TAF4B: variants seen among roughly 807,000 people sequenced by gnomAD.
TAF4B encodes TATA-box binding protein associated factor 4b, also known as transcription initiation factor TFIID subunit 4B.
TAF4B carries 38 observed loss-of-function variants against 86.4 expected under a neutral mutation model. The ratio of observed to expected loss-of-function variants is 0.44; its 90% CI spans 0.34 to 0.58. The LOEUF (loss-of-function observed/expected upper bound fraction) is 0.58. Among genes scored for constraint, TAF4B ranks in the 20% least tolerant of loss-of-function variants. The pLI is 0.02. For missense variants in TAF4B, 988 were observed against 1,027.6 expected, an observed-to-expected ratio of 0.96 and a Z score of 0.53; for synonymous variants, 388 against 391.2, an observed-to-expected ratio of 0.99 and a Z score of 0.10.
intron 14 of TAF4B, among the ~76,000 whole-genome samples, chr18:26,359,966 C>G (rs1431317113): frequency 3.9e-5 from 6 of 151,972 alleles, no homozygotes; most frequent in Non-Finnish European, 7.4e-5. Flanking sequence ...AGTTCACCTG[C>G]CTTGGCCTCC....
chr18:26,369,379 A>G (rs998084583), intron 14 of TAF4B, among the ~76,000 whole-genome samples: 14 of 152,234 alleles, frequency 9.2e-5, no homozygotes, highest in African/African-American at 3.4e-4. Context: ...TTAGAAGTTA[A>G]GACTCAGGAC....
intron 1 of TAF4B, chr18:26,256,234 A>G: frequency 6.3e-7 from 1 of 1,585,230 alleles, no homozygotes. Flanking sequence ...TGCAATCCAG[A>G]ACAGCTGTGG....
At chr18:26,353,490 G>T (rs892437126) in intron 13 of TAF4B, among the ~76,000 whole-genome samples, 9 of 152,174 alleles carry the variant, frequency 5.9e-5, no homozygotes, top group Non-Finnish European at 1.3e-4. Context: ...CGGCACTTTG[G>T]GAGGCCAAGG....
At chr18:26,253,230 T>G (rs529307842) in intron 1 of TAF4B, among the ~76,000 whole-genome samples, 21 of 152,310 alleles carry the variant, frequency 1.4e-4, no homozygotes, top group African/African-American at 4.8e-4. Flanking sequence ...GTAAATCCAT[T>G]TATCAGGTTG....
chr18:26,233,384 A>G (rs1364520525), intron 1 of TAF4B, among the ~76,000 whole-genome samples: 1 of 152,180 alleles, frequency 6.6e-6, no homozygotes, highest in Non-Finnish European at 1.5e-5. Context: ...GTGAATGGTC[A>G]TGCAGGGAGT....
chr18:26,357,539 A>T lies in TAF4B; in HGVS notation c.2317-151A>T, dbSNP rs180978162. ...AGTTTGTTGGTGTAAAAGAATCAGAAAATGTGCCCTTGGCTGTTATGGGAA... is the reference window on the plus strand; with the variant it reads ...AGTTTGTTGGTGTAAAAGAATCAGATAATGTGCCCTTGGCTGTTATGGGAA... On this transcript the variant is annotated intron_variant, in intron 13 of 14. Transcript: ENST00000269142. The T allele has an allele frequency of 9.2e-5, 46 of 497,756 alleles. No individual in the cohort carries two copies. In the Middle Eastern group the frequency reaches 3.1e-3, roughly 34 times the overall value. 30.8% of individuals were successfully genotyped at this position (497,756 alleles called of 1,614,324 possible).
intron 14 of TAF4B, among the ~76,000 whole-genome samples, chr18:26,358,481 C>G (rs555399630): frequency 2.0e-5 from 3 of 152,234 alleles, no homozygotes; most frequent in Admixed American, 6.5e-5. Context: ...GAGGCCAAGG[C>G]GGGCGGATCA....
chr18:26,237,512 T>G (rs1043405326), intron 1 of TAF4B, among the ~76,000 whole-genome samples: 4 of 151,976 alleles, frequency 2.6e-5, no homozygotes, highest in Non-Finnish European at 4.4e-5. Flanking sequence ...CCCTTGGAGA[T>G]TTCTTGCTTG....
At chr18:26,355,020 C>A (rs1190660644) in intron 13 of TAF4B, among the ~76,000 whole-genome samples, 1 of 152,178 alleles carries the variant, frequency 6.6e-6, no homozygotes. Context: ...CAAGCCTGGA[C>A]ACAGCATGTC....
intron 14 of TAF4B, among the ~76,000 whole-genome samples, chr18:26,366,805 T>A (rs1397160084): frequency 6.6e-6 from 1 of 152,238 alleles, no homozygotes. Context: ...CAGTTTCAGA[T>A]AGTTCAACCT....
chr18:26,320,984 CA>C, intron 10 of TAF4B, 85 bp from the exon 11 acceptor site: 3 of 1,532,344 alleles, frequency 2.0e-6, no homozygotes, highest in Non-Finnish European at 2.7e-6. Context: ...GTATGACTTC[CA>C]GGGGGAACAG....
intron 7 of TAF4B, among the ~76,000 whole-genome samples, chr18:26,288,065 A>C (rs1341710497): frequency 6.6e-6 from 1 of 152,236 alleles, no homozygotes; most frequent in Non-Finnish European, 1.5e-5. Flanking sequence ...GCCAGGTTTG[A>C]GAACCACTGG....
intron 14 of TAF4B, among the ~76,000 whole-genome samples, chr18:26,388,494 G>T (rs902948106): frequency 1.4e-4 from 22 of 152,328 alleles, no homozygotes; most frequent in African/African-American, 5.3e-4. Flanking sequence ...GGTCTAGTGG[G>T]TATGTAGTGG....
At position 26,300,307 on chromosome 18, in the gene TAF4B, T is replaced by TTTTTTA. The variant is rs1555679571; in HGVS notation, c.1832+6778_1832+6779insTTTATT. ...CCTGGCTTGTTTTCTAATGTAGGCA[T>TTTTTTA]TTATTATTATTATTATTATTATTAT... On this transcript the variant is annotated intron_variant, in intron 9 of 14. Coordinates refer to ENST00000269142, the MANE Select transcript of TAF4B (RefSeq NM_005640.3). Among the ~76,000 whole-genome samples the TTTTTTA allele has an allele frequency of 5.5e-5, 8 of 145,396 alleles. No homozygotes were observed. The South Asian group carries it at 8.6e-4, about 16-fold the overall frequency.
At chr18:26,233,720 C>T (rs542221643) in intron 1 of TAF4B, among the ~76,000 whole-genome samples, 1 of 152,280 alleles carries the variant, frequency 6.6e-6, no homozygotes, top group East Asian at 1.9e-4. Context: ...TTCCTCAGCC[C>T]TCTCTGTCTT....
intron 13 of TAF4B, among the ~76,000 whole-genome samples, chr18:26,350,754 C>T (rs767274325): frequency 1.3e-5 from 2 of 152,010 alleles, no homozygotes; most frequent in African/African-American, 4.8e-5. Context: ...TGCAAACAGC[C>T]AACAGGTATG....
In TAF4B at chr18:26,285,868, C is replaced by A; in HGVS notation, c.973-14C>A. On this transcript the variant is annotated splice_polypyrimidine_tract_variant and intron_variant, in intron 6 of 14. Transcript: ENST00000269142. ...TTGTTAGCAGTGTTTTTTTCCATTC[C>A]TCTGCATTTCCAGAAAAGCGTGGTT... 1 of 1,589,178 alleles carries A rather than the reference C, an allele frequency of 6.3e-7. No individual in the cohort carries two copies. Among genetic ancestry groups the A allele is most frequent in the Non-Finnish European group, 8.6e-7 (1 of 1,167,706 alleles).
intron 5 of TAF4B, among the ~76,000 whole-genome samples, chr18:26,278,277 G>A (rs1019045328): frequency 3.3e-5 from 5 of 152,018 alleles, no homozygotes; most frequent in African/African-American, 1.2e-4. Flanking sequence ...ATCCAAGGAT[G>A]TTTCAAAGTG....
At chr18:26,329,944 A>G (rs2057037875) in intron 12 of TAF4B, among the ~76,000 whole-genome samples, 1 of 152,204 alleles carries the variant, frequency 6.6e-6, no homozygotes, top group African/African-American at 2.4e-5. Context: ...AGTTGGGAAT[A>G]CAGGCACATG....
Sources: gnomAD v4.1 joint callset for allele counts (sites outside exome capture counted in the v4.1 genomes callset) on GRCh38, gnomAD v4.1.1 for gene constraint, MANE v1.5 for transcripts, NCBI Gene and HGNC (gene_info 2026-07-23, HGNC 2026-07-21) for gene names.